Variants in JADE1 observed in about 807,000 individuals in gnomAD.
JADE1 encodes protein Jade-1.
In JADE1, 14 loss-of-function variants were observed where a neutral mutation model predicts 81.8. The observed-to-expected ratio is 0.17, with a 90% CI of 0.11 to 0.27. JADE1 has a LOEUF of 0.27. JADE1 is among the 10% of genes least tolerant of loss of function. JADE1 has a pLI of 1.00. For synonymous variants in JADE1, 353 were observed against 391.9 expected, an observed-to-expected ratio of 0.90 and a Z score of 1.17; for missense variants, 690 against 1,047.9, an observed-to-expected ratio of 0.66 and a Z score of 4.71.
At chr4:128,834,773 A>G (rs1185450288) in intron 2 of JADE1, among the ~76,000 whole-genome samples, 2 of 151,820 alleles carry the variant, frequency 1.3e-5, no homozygotes, top group Non-Finnish European at 1.5e-5. Context: ...TGACCTCATG[A>G]TCTGCCCACC....
intron 2 of JADE1, among the ~76,000 whole-genome samples, chr4:128,834,881 C>T (rs77831298): frequency 0.015 from 2,335 of 151,922 alleles, 51 homozygotes; most frequent in African/African-American, 0.048. Context: ...CATGGTGGCT[C>T]ATGACTGTAA....
intron 1 of JADE1, among the ~76,000 whole-genome samples, chr4:128,823,412 C>A (rs1044812691): frequency 6.6e-6 from 1 of 152,148 alleles, no homozygotes; most frequent in Non-Finnish European, 1.5e-5. Flanking sequence ...TTAAAGTGAA[C>A]TAATGTATTA....
Position 128,857,403 on chromosome 4 carries a change from G to A in JADE1, c.930G>A (p.Arg310=), listed in dbSNP as rs1158472872. 2 of 1,614,154 alleles carry A rather than the reference G, an allele frequency of 1.2e-6. No individual in the cohort carries two copies. The highest frequency in any genetic ancestry group is 2.2e-5 in the East Asian group (1 of 44,862). Residue 310 remains arginine (R), a synonymous_variant, in exon 8 of 11, where the codon CGG becomes CGA. Transcript: ENST00000226319. ...AGGTGTCACACATTCCCAGCAGCCGGTGGGCGCTAGTGTGCAGCCTCTGCA... is the reference window on the plus strand; with the variant it reads ...AGGTGTCACACATTCCCAGCAGCCGATGGGCGCTAGTGTGCAGCCTCTGCA... The part of the protein sequence containing the change: ...ITKVSHIPSS[R]WALVCSLCNE...
At chr4:128,831,637 C>T (rs1728564890) in intron 1 of JADE1, 96 bp from the exon 2 acceptor site, 1 of 1,023,244 alleles carries the variant, frequency 9.8e-7, no homozygotes, top group Admixed American at 1.9e-5. Flanking sequence ...CATTTGTTTG[C>T]TTTTGTTTGC....
chr4:128,831,682 GATGATTGTGT>G, intron 1 of JADE1, 41 bp from the exon 2 acceptor site: 1 of 1,514,150 alleles, frequency 6.6e-7, no homozygotes, highest in South Asian at 1.1e-5. Context: ...AGCACAACTT[GATGATTGTGT>G]ATTATCATCT....
At chr4:128,819,614 C>G (rs1727375523) in intron 1 of JADE1, among the ~76,000 whole-genome samples, 1 of 152,158 alleles carries the variant, frequency 6.6e-6, no homozygotes, top group Non-Finnish European at 1.5e-5. Flanking sequence ...ACTCATACTC[C>G]TGTGGTAGTG....
intron 10 of JADE1, among the ~76,000 whole-genome samples, chr4:128,869,416 C>T (rs144558074): frequency 9.2e-5 from 14 of 152,260 alleles, no homozygotes; most frequent in African/African-American, 2.6e-4. Context: ...TGCAGATCAC[C>T]GAGCCTACAG....
intron 2 of JADE1, among the ~76,000 whole-genome samples, chr4:128,832,298 G>A (rs1342151354): frequency 1.3e-5 from 2 of 152,222 alleles, no homozygotes; most frequent in Non-Finnish European, 2.9e-5. Context: ...TACTACTGCT[G>A]TCTGTATCTC....
At chr4:128,840,089 T>A (rs1263238723) in intron 2 of JADE1, among the ~76,000 whole-genome samples, 2 of 152,218 alleles carry the variant, frequency 1.3e-5, no homozygotes, top group Non-Finnish European at 2.9e-5. Context: ...TCTTTGTATA[T>A]CTGTTTTTAA....
At chr4:128,835,281 C>A (rs1728892092) in intron 2 of JADE1, among the ~76,000 whole-genome samples, 1 of 152,204 alleles carries the variant, frequency 6.6e-6, no homozygotes, top group Non-Finnish European at 1.5e-5. Flanking sequence ...GCCATGCTGT[C>A]TGTCCACGCT....
At chr4:128,835,911 T>C (rs527379479) in intron 2 of JADE1, among the ~76,000 whole-genome samples, 1 of 152,344 alleles carries the variant, frequency 6.6e-6, no homozygotes, top group East Asian at 1.9e-4. Flanking sequence ...CAAGCCCTTA[T>C]ACAGCTGCAG....
chr4:128,859,363 G>C (rs981615715), intron 8 of JADE1, among the ~76,000 whole-genome samples: 1 of 152,154 alleles, frequency 6.6e-6, no homozygotes, highest in Non-Finnish European at 1.5e-5. Context: ...GAGTATGCGT[G>C]TGTGAATGTG....
At chr4:128,869,181 A>G (rs1459343189) in intron 10 of JADE1, among the ~76,000 whole-genome samples, 2 of 152,188 alleles carry the variant, frequency 1.3e-5, no homozygotes, top group Non-Finnish European at 2.9e-5. Context: ...TTGATATCCT[A>G]GATATTTTCT....
At chr4:128,841,278 A>C (rs1729412931) in intron 2 of JADE1, among the ~76,000 whole-genome samples, 1 of 152,228 alleles carries the variant, frequency 6.6e-6, no homozygotes, top group African/African-American at 2.4e-5. Context: ...GTGAATTATC[A>C]GAAAGTTGGA....
At position 128,861,819 on chromosome 4, in the gene JADE1, C is replaced by G; in HGVS notation, c.1097C>G (p.Pro366Arg). ...NDEVKFKSYCPKHSSHRKPEE... is the reference protein window; with the variant it reads ...NDEVKFKSYCRKHSSHRKPEE... ...GAAGTCAAGTTCAAGTCCTATTGCC[C>G]AAAGCACAGCTCACATAGGAAACCC... is the stretch of plus-strand genomic sequence containing the variant. Residue 366 changes from proline to arginine, a missense_variant, in exon 9 of 11, where the codon CCA becomes CGA. Pro to Arg is a moderately radical substitution (Grantham distance 103, BLOSUM62 -2). Around this residue, in one of 8 missense-constraint regions of JADE1, gnomAD observed 77 missense variants for 76.4 expected, o/e 1.01. Coordinates refer to ENST00000226319, the MANE Select transcript of JADE1 (RefSeq NM_199320.4). 2 of 1,614,170 alleles carry G rather than the reference C, an allele frequency of 1.2e-6. No homozygotes were observed. Among genetic ancestry groups the G allele is most frequent in the Non-Finnish European group, 8.5e-7 (1 of 1,180,024 alleles).
At chr4:128,829,325 G>C (rs1218254600) in intron 1 of JADE1, among the ~76,000 whole-genome samples, 1 of 152,156 alleles carries the variant, frequency 6.6e-6, no homozygotes, top group Non-Finnish European at 1.5e-5. Context: ...AGCTTGTAAA[G>C]CGTGTCCATA....
In JADE1 at chr4:128,871,362, T is replaced by G. The variant is rs772035481; in HGVS notation, c.1629T>G (p.Pro543=). The change falls in exon 11 of 11, where the codon CCT becomes CCG. Residue 543 remains proline, a synonymous_variant. Transcript: ENST00000226319. This position sits in a 1 kb window ranked among gnomAD's most constrained non-coding sequence, Gnocchi z 4.1. ...LLEQERVSGV[P]SSCSSSSLEN... ...GTGGTTTTATGTTTATAGGTGTGCC[T>G]TCTTCCTGCTCCTCCTCCTCACTGG... 1.2e-6 allele frequency: 2 copies of G among 1,612,516 alleles called. No homozygotes were observed.
At chr4:128,858,906 CTAT>C (rs1268597163) in intron 8 of JADE1, among the ~76,000 whole-genome samples, 2 of 152,160 alleles carry the variant, frequency 1.3e-5, no homozygotes, top group African/African-American at 4.8e-5. Context: ...CCGCGCCTGG[CTAT>C]TTTTAAATTT....
intron 4 of JADE1, among the ~76,000 whole-genome samples, chr4:128,848,313 G>T (rs2125860237): frequency 6.6e-6 from 1 of 152,236 alleles, no homozygotes; most frequent in African/African-American, 2.4e-5. Context: ...CGAGTAGCTG[G>T]GGTTACAGGC....
Sources: gnomAD v4.1 joint callset for allele counts (sites outside exome capture counted in the v4.1 genomes callset) on GRCh38, gnomAD v4.1.1 for gene constraint, gnomAD v4.1.1 regional missense constraint, Gnocchi (gnomAD v3.1) non-coding constraint, MANE v1.5 for transcripts, NCBI Gene and HGNC (gene_info 2026-07-23, HGNC 2026-07-21) for gene names.